The following RGS5 variants were observed in gnomAD, a reference collection of about 807,000 sequenced individuals.
The protein encoded by RGS5 is regulator of G protein signaling 5.
RGS5 carries 20 observed loss-of-function variants against 18.9 expected under a neutral mutation model. The ratio of observed to expected loss-of-function variants is 1.06; its 90% CI spans 0.74 to 1.54. RGS5 has a LOEUF of 1.54. Ranked by LOEUF, RGS5 falls within the 40% of genes most tolerant of loss-of-function variation. The probability of loss-of-function intolerance (pLI) is 0.00; values close to 1 mark genes in which losing one functional copy is unlikely to be tolerated. For missense variants in RGS5, 201 were observed against 211.8 expected, an observed-to-expected ratio of 0.95 and a Z score of 0.32; for synonymous variants, 57 against 76.2, an observed-to-expected ratio of 0.75 and a Z score of 1.31.
chr1:163,151,483 C>G (rs966441148), intron 4 of RGS5, among the ~76,000 whole-genome samples: 3 of 152,180 alleles, frequency 2.0e-5, no homozygotes, highest in Admixed American at 2.0e-4. Context: ...GGCTCTGTGT[C>G]CCCACCCAAA....
intron 2 of RGS5, chr1:163,260,212 C>T (rs1648392680): frequency 6.6e-6 from 1 of 151,964 alleles, no homozygotes; most frequent in South Asian, 2.1e-4. Context: ...AATTTAGGTC[C>T]CGAGTGATTT....
At chr1:163,274,654 G>A (rs1038559814) in intron 2 of RGS5, among the ~76,000 whole-genome samples, 4 of 152,146 alleles carry the variant, frequency 2.6e-5, no homozygotes, top group African/African-American at 9.7e-5. Flanking sequence ...TTGAGTTGGG[G>A]GCACTCTGTG....
At chr1:163,194,970 A>C (rs951776657) in intron 1 of RGS5, among the ~76,000 whole-genome samples, 1 of 152,180 alleles carries the variant, frequency 6.6e-6, no homozygotes. Flanking sequence ...TAAAAAGGGA[A>C]CACTTTTATA....
At chr1:163,260,657 T>C (rs886998124) in intron 2 of RGS5, 4 of 144,958 alleles carry the variant, frequency 2.8e-5, no homozygotes, top group African/African-American at 7.6e-5. Context: ...TCAAAAGCTA[T>C]TGAAATAAAA....
chr1:163,264,254 G>A (rs1648523301), intron 2 of RGS5, among the ~76,000 whole-genome samples: 1 of 152,106 alleles, frequency 6.6e-6, no homozygotes, highest in Admixed American at 6.6e-5. Flanking sequence ...CATGAGATCT[G>A]AAGTCAGAAA....
chr1:163,290,669 A>G (rs1328933776), intron 2 of RGS5, among the ~76,000 whole-genome samples: 1 of 151,092 alleles, frequency 6.6e-6, no homozygotes, highest in Non-Finnish European at 1.5e-5. Flanking sequence ...AAAAAAAAAA[A>G]ATGAATATTT....
chr1:163,191,990 G>A (rs1659376321), intron 1 of RGS5, among the ~76,000 whole-genome samples: 1 of 152,158 alleles, frequency 6.6e-6, no homozygotes, highest in African/African-American at 2.4e-5. Flanking sequence ...CAAGGGGCTA[G>A]GAGGGTGGTG....
At chr1:163,187,074 T>C (rs4657251) in intron 1 of RGS5, among the ~76,000 whole-genome samples, 31,716 of 152,038 alleles carry the variant, frequency 0.21, 3,751 homozygotes, top group African/African-American at 0.32. Context: ...ATGGCAGTTA[T>C]GTATCCCTTT....
intron 2 of RGS5, among the ~76,000 whole-genome samples, chr1:163,162,377 C>G (rs1657838392): frequency 6.6e-6 from 1 of 152,156 alleles, no homozygotes; most frequent in African/African-American, 2.4e-5. Context: ...CTCACCAATA[C>G]TGCATGTTAA....
intron 1 of RGS5, among the ~76,000 whole-genome samples, chr1:163,186,578 C>CAAAAAAAAAAAAAAAAA (rs34092786): frequency 2.1e-5 from 2 of 95,970 alleles, no homozygotes; most frequent in Non-Finnish European, 2.0e-5. Flanking sequence ...GACTCTGTCT[C>CAAAAAAAAAAAAAAAAA]AAAAAAAAAA....
chr1:163,303,935 C>A (rs758147575), intron 2 of RGS5, among the ~76,000 whole-genome samples: 3 of 152,110 alleles, frequency 2.0e-5, no homozygotes, highest in East Asian at 3.9e-4. Context: ...CCAATCCCCC[C>A]ACATATCCAA....
intron 1 of RGS5, among the ~76,000 whole-genome samples, chr1:163,177,034 G>T (rs998546425): frequency 2.0e-5 from 3 of 152,194 alleles, no homozygotes; most frequent in African/African-American, 7.2e-5. Context: ...ATCGAAATCA[G>T]ATGCTTTGCC....
intron 2 of RGS5, chr1:163,244,555 T>G (rs902210844): frequency 2.0e-5 from 3 of 152,146 alleles, no homozygotes; most frequent in African/African-American, 7.2e-5. Flanking sequence ...AAAAACAACA[T>G]TAGCAGAAAC....
At chr1:163,292,116 C>G (rs778650747) in intron 2 of RGS5, among the ~76,000 whole-genome samples, 2 of 152,096 alleles carry the variant, frequency 1.3e-5, no homozygotes, top group African/African-American at 4.8e-5. Context: ...TCCCATCACC[C>G]AGGTATTAAG....
At chr1:163,226,022 A>C (rs988109000) in intron 2 of RGS5, among the ~76,000 whole-genome samples, 5 of 151,968 alleles carry the variant, frequency 3.3e-5, no homozygotes, top group African/African-American at 1.2e-4. Context: ...CCGGGTTCAA[A>C]GTATTCTCCT....
chr1:163,147,922 T>TTTTTCTTTTTTTTC (rs771123131), intron 4 of RGS5, among the ~76,000 whole-genome samples: 2 of 132,634 alleles, frequency 1.5e-5, no homozygotes, highest in African/African-American at 2.9e-5. Flanking sequence ...CTTTTTCTTT[T>TTTTTCTTTTTTTTC]TTTTTTTTTT....
intron 4 of RGS5, among the ~76,000 whole-genome samples, chr1:163,151,163 T>G (rs1657356219): frequency 6.6e-6 from 1 of 152,206 alleles, no homozygotes; most frequent in Admixed American, 6.5e-5. Flanking sequence ...TCCCCAAAGT[T>G]TCTTTGAAAT....
intron 4 of RGS5, 84 bp from the exon 5 acceptor site, chr1:163,147,587 C>A: frequency 1.6e-6 from 2 of 1,230,062 alleles, no homozygotes; most frequent in Non-Finnish European, 2.2e-6. Context: ...AATTTCTCAT[C>A]AATAAAACAT....
intron 1 of RGS5, among the ~76,000 whole-genome samples, chr1:163,314,177 T>C (rs1050450791): frequency 6.6e-6 from 1 of 152,164 alleles, no homozygotes; most frequent in Admixed American, 6.6e-5. Flanking sequence ...TAAAGGTGTA[T>C]AAATGGAAAT....
Sources: allele counts gnomAD v4.1 joint callset (sites outside exome capture counted in the v4.1 genomes callset), GRCh38; gene constraint gnomAD v4.1.1; transcripts MANE v1.5; gene names NCBI Gene and HGNC (gene_info 2026-07-23, HGNC 2026-07-21).